STIM1: variants seen among roughly 807,000 people sequenced by gnomAD.
The protein encoded by STIM1 is stromal interaction molecule 1.
STIM1 carries 25 observed loss-of-function variants against 74.7 expected under a neutral mutation model. The observed-to-expected ratio is 0.33, with a 90% CI of 0.24 to 0.47. STIM1 has a LOEUF of 0.47. Ranked by LOEUF, STIM1 falls within the 20% of genes least tolerant of loss-of-function variation. The probability of loss-of-function intolerance (pLI) is 1.00; values close to 1 mark genes in which losing one functional copy is unlikely to be tolerated. For synonymous variants in STIM1, 328 were observed against 348.8 expected (o/e 0.94, Z 0.66); for missense variants, 728 against 920.8 (o/e 0.79, Z 2.71).
In STIM1 at chr11:4,035,365, A is replaced by G. The variant is rs191421485; in HGVS notation, c.385+11378A>G. 1.3e-3 allele frequency among the ~76,000 whole-genome samples: 201 copies of G among 151,102 alleles called. 2 individuals carry two copies. Among genetic ancestry groups the G allele is most frequent in the Non-Finnish European group, 2.1e-4 (14 of 67,852 alleles). On this transcript the variant is annotated intron_variant, in intron 3 of 12. Coordinates refer to ENST00000526596, the MANE Select transcript of STIM1 (RefSeq NM_001382567.1). ...CACAATTAATGGCAAATGTTCTCCT[A>G]TTACTTTTTTTCCTGATATAATCTT... is the stretch of plus-strand genomic sequence containing the variant.
chr11:3,907,132 A>G (rs113311016), intron 1 of STIM1, among the ~76,000 whole-genome samples: 41 of 152,334 alleles, frequency 2.7e-4, no homozygotes, highest in African/African-American at 8.9e-4. Flanking sequence ...GAAGTTGGCA[A>G]TTATCTCCAA....
At chr11:3,874,564 C>G (rs537487303) in intron 1 of STIM1, among the ~76,000 whole-genome samples, 1 of 152,348 alleles carries the variant, frequency 6.6e-6, no homozygotes, top group South Asian at 2.1e-4. Flanking sequence ...TAAGGTAGCA[C>G]AAATGATTTC....
intron 1 of STIM1, among the ~76,000 whole-genome samples, chr11:3,926,601 A>G (rs1265252702): frequency 6.6e-6 from 1 of 152,220 alleles, no homozygotes. Context: ...AAGTCCAGCA[A>G]ATACTTTGTG....
At chr11:3,964,757 C>A (rs1011701849) in intron 1 of STIM1, among the ~76,000 whole-genome samples, 10 of 149,924 alleles carry the variant, frequency 6.7e-5, no homozygotes, top group Non-Finnish European at 1.3e-4. Context: ...CAGGGTCTCG[C>A]TCTGTTGCCC....
intron 1 of STIM1, among the ~76,000 whole-genome samples, chr11:3,898,902 T>C (rs1487317842): frequency 1.3e-5 from 2 of 151,912 alleles, no homozygotes; most frequent in African/African-American, 4.8e-5. Context: ...AGTACCATGC[T>C]GTTTTGGTTA....
rs534419041 is a variant in STIM1 at position 4,091,283 on chromosome 11, G to T, written c.1636G>T (p.Asp546Tyr). ...TCCTCTCTGCCCCATGTCTTGCAGG[G>T]ATTTGACCCATTCCGATTCGGAGTC... Reference protein sequence around the residue: ...EPQHGLGSQRDLTHSDSESSL... With the variant: ...EPQHGLGSQRYLTHSDSESSL... Residue 546 changes from aspartate (D) to tyrosine (Y), a missense_variant and splice_region_variant, in exon 13 of 13, where the codon GAT (aspartate) becomes TAT (tyrosine). Asp to Tyr is a radical substitution (Grantham distance 160). Coordinates refer to ENST00000526596, the MANE Select transcript of STIM1 (RefSeq NM_001382567.1). 22 of 1,613,994 alleles carry T rather than the reference G, an allele frequency of 1.4e-5. No homozygotes were observed. The highest frequency in any genetic ancestry group is 1.7e-5 in the Non-Finnish European group (20 of 1,180,038).
chr11:3,873,738 A>G (rs996615418), intron 1 of STIM1, among the ~76,000 whole-genome samples: 2 of 152,166 alleles, frequency 1.3e-5, no homozygotes, highest in Admixed American at 1.3e-4. Flanking sequence ...CTCCAGGCAT[A>G]CTTATGCTGC....
Position 3,909,221 on chromosome 11 carries a change from G to A in STIM1, c.139+52812G>A, listed in dbSNP as rs143333585. ...GATCTCAAAGTAAGATGAAACTGGG[G>A]TCAGTGATGTCTCCAGGGTAAAATG... On this transcript the variant is annotated intron_variant, in intron 1 of 12. Coordinates refer to ENST00000526596, the MANE Select transcript of STIM1 (RefSeq NM_001382567.1). Among the ~76,000 whole-genome samples, 486 of 152,330 alleles carry A rather than the reference G, an allele frequency of 3.2e-3. 3 individuals are homozygous for A. Among genetic ancestry groups the A allele is most frequent in the African/African-American group, 0.011 (455 of 41,588 alleles).
rs2136018813 is a variant in STIM1 at position 4,023,903 on chromosome 11, C to G, written c.301C>G (p.Pro101Ala). Residue 101 changes from proline (P) to alanine (A), a missense_variant, in exon 3 of 13, where the codon CCA (proline) becomes GCA (alanine). Physicochemically the swap from Pro to Ala is conservative, Grantham distance 27. This residue lies in a region of STIM1 where 51 missense variants were observed against 101.1 expected (regional missense o/e 0.50). Transcript: ENST00000526596. Reference protein sequence around the residue: ...FLREDLNYHDPTVKHSTFHGE... With the variant: ...FLREDLNYHDATVKHSTFHGE... Reference sequence around the variant, plus strand: ...GAGGGAAGACCTCAATTACCATGACCCAACAGTGAAACACAGCACCTTCCA... The same window carrying G: ...GAGGGAAGACCTCAATTACCATGACGCAACAGTGAAACACAGCACCTTCCA... 1.2e-6 allele frequency: 2 copies of G among 1,613,964 alleles called. No individual in the cohort carries two copies. Among genetic ancestry groups the G allele is most frequent in the East Asian group, 2.2e-5 (1 of 44,872 alleles).
At position 4,074,409 on chromosome 11, in the gene STIM1, G is replaced by A; in HGVS notation, c.792-93G>A. 3 of 1,441,252 alleles carry A rather than the reference G, an allele frequency of 2.1e-6. No homozygotes were observed. The South Asian group carries it at 3.5e-5, about 17-fold the overall frequency. 89.3% of individuals were successfully genotyped at this position (1,441,252 alleles called of 1,614,324 possible). A position where few individuals can be genotyped will look rare whatever the true frequency, so the allele number is the denominator to read the frequency against. ...GGGAGAATATATGCTGAGAGTTGGA[G>A]CTGTCATTTTCCTCTTTGATGCCAT... On this transcript the variant is annotated intron_variant, in intron 6 of 12. Coordinates refer to ENST00000526596, the MANE Select transcript of STIM1 (RefSeq NM_001382567.1).
chr11:4,050,157 G>A (rs767915426), intron 3 of STIM1, among the ~76,000 whole-genome samples: 1 of 152,178 alleles, frequency 6.6e-6, no homozygotes, highest in Admixed American at 6.5e-5. Context: ...TTTGGGTTAT[G>A]TACTCATCCC....
intron 7 of STIM1, 23 bp from the exon 8 acceptor site, chr11:4,082,161 C>T: frequency 6.2e-7 from 1 of 1,613,812 alleles, no homozygotes. Context: ...AGTAAATGAA[C>T]TCACATCCTT....
intron 1 of STIM1, among the ~76,000 whole-genome samples, chr11:3,880,322 C>T (rs149167585): frequency 1.3e-5 from 2 of 152,286 alleles, no homozygotes; most frequent in African/African-American, 2.4e-5. Context: ...GGTTACTTCT[C>T]GTGTCTTGAT....
chr11:3,861,067 T>G (rs905131771), intron 1 of STIM1, among the ~76,000 whole-genome samples: 1 of 151,296 alleles, frequency 6.6e-6, no homozygotes, highest in Non-Finnish European at 1.5e-5. Context: ...CAGGAGAGAG[T>G]AGTCTGACTT....
chr11:3,857,757 G>C (rs1387514454), intron 1 of STIM1, among the ~76,000 whole-genome samples: 1 of 152,162 alleles, frequency 6.6e-6, no homozygotes, highest in Admixed American at 6.6e-5. Flanking sequence ...GGTGGCTGGG[G>C]AGTTTCATGG....
intron 2 of STIM1, among the ~76,000 whole-genome samples, chr11:3,971,823 A>G (rs996669756): frequency 2.6e-5 from 4 of 152,218 alleles, no homozygotes; most frequent in African/African-American, 9.6e-5. Context: ...CCACATTTCC[A>G]TATTGGCCAC....
rs185377821 is a variant in STIM1, at chr11:3,877,967, A to G, written c.139+21558A>G. Reference sequence around the variant, plus strand: ...GGGAGGAATTGTTTGGCTTTCAGGTAAAAAGGACTTCTTGCTTGTGAATTG... The same window carrying G: ...GGGAGGAATTGTTTGGCTTTCAGGTGAAAAGGACTTCTTGCTTGTGAATTG... On this transcript the variant is annotated intron_variant, in intron 1 of 12. Transcript: ENST00000526596. 3.9e-5 allele frequency among the ~76,000 whole-genome samples: 6 copies of G among 152,314 alleles called. No individual in the cohort carries two copies. In the East Asian group the frequency reaches 1.2e-3, roughly 29 times the overall value.
At chr11:3,910,708 G>A (rs1177776445) in intron 1 of STIM1, among the ~76,000 whole-genome samples, 3 of 151,940 alleles carry the variant, frequency 2.0e-5, no homozygotes, top group African/African-American at 7.3e-5. Flanking sequence ...CAGGCCGGGC[G>A]AGGTGGCTCA....
At chr11:4,010,878 C>A (rs2093829384) in intron 2 of STIM1, among the ~76,000 whole-genome samples, 1 of 152,110 alleles carries the variant, frequency 6.6e-6, no homozygotes, top group Non-Finnish European at 1.5e-5. Flanking sequence ...CAGCCCCCAG[C>A]CCCCAACAGG....
Sources: allele counts gnomAD v4.1 joint callset (sites outside exome capture counted in the v4.1 genomes callset), GRCh38; gene constraint gnomAD v4.1.1; regional missense constraint gnomAD v4.1.1; transcripts MANE v1.5; gene names NCBI Gene and HGNC (gene_info 2026-07-23, HGNC 2026-07-21).